The following TCFL5 variants were observed in gnomAD, a reference collection of about 807,000 sequenced individuals.
TCFL5 encodes the protein transcription factor like 5, also known as transcription factor-like 5 protein.
Under a neutral mutation model 44.3 loss-of-function variants are expected in TCFL5, and 9 were observed. The ratio of observed to expected loss-of-function variants is 0.20; its 90% CI spans 0.12 to 0.35. The LOEUF is 0.35. Among genes scored for constraint, TCFL5 ranks in the 10% least tolerant of loss-of-function variants. TCFL5 has a pLI of 1.00. For missense variants in TCFL5, 603 were observed against 613.4 expected (o/e 0.98, Z 0.18); for synonymous variants, 319 against 271.6 (o/e 1.17, Z -1.72).
In TCFL5 at chr20:62,854,172, C is replaced by T. The variant is rs2063853309; in HGVS notation, c.1239-15G>A. 1 of 1,613,342 alleles carries T rather than the reference C, an allele frequency of 6.2e-7. No homozygotes were observed. Among genetic ancestry groups the T allele is most frequent in the African/African-American group, 1.3e-5 (1 of 74,848 alleles). ...GGATTCTGCGCCTATAGTCAAAACC[C>T]AAAGTCATCACCGAGAGAGACCGGA... On this transcript the variant is annotated splice_polypyrimidine_tract_variant and intron_variant, in intron 4 of 5. Transcript: ENST00000335351.
rs765377904 is a variant in TCFL5, at chr20:62,860,174, G to C, written c.782C>G (p.Thr261Ser). The C allele has an allele frequency of 6.8e-6, 11 of 1,613,588 alleles. No individual in the cohort carries two copies. Among genetic ancestry groups the C allele is most frequent in the South Asian group, 3.3e-5 (3 of 91,076 alleles). ...TALQFTYPLF[T>S]TNACSTSGNS... ...TCCACTAGTAGAGCAAGCATTTGTA[G>C]TAAACAGTGGGTATGTAAATTGCAA... The change falls in exon 2 of 6, where the codon ACT becomes AGT. Residue 261 changes from threonine to serine, a missense_variant. By Grantham distance (58) the Thr-to-Ser change is moderately conservative. This residue lies in a region of TCFL5 where 540 missense variants were observed against 478.7 expected (regional missense o/e 1.13). Coordinates refer to ENST00000335351, the MANE Select transcript of TCFL5 (RefSeq NM_006602.4).
Position 62,857,397 on chromosome 20 carries a change from T to C in TCFL5, c.1236A>G (p.Arg412=), listed in dbSNP as rs1018343445. ...RERHNRMERD[R]RRRIRICCDE... ...TGACAAGCAGTCACACGTATTACCTTCTATCTCTTTCCATTCGGTTATGCC... is the reference window on the plus strand; with the variant it reads ...TGACAAGCAGTCACACGTATTACCTCCTATCTCTTTCCATTCGGTTATGCC... Residue 412 remains arginine (R), a splice_region_variant and synonymous_variant, in exon 4 of 6, where the codon AGA becomes AGG. Transcript: ENST00000335351. 2 of 1,614,134 alleles carry C rather than the reference T, an allele frequency of 1.2e-6. No homozygotes were observed. Among genetic ancestry groups the C allele is most frequent in the Middle Eastern group, 3.3e-4 (2 of 6,062 alleles).
intron 5 of TCFL5, among the ~76,000 whole-genome samples, chr20:62,847,808 G>A (rs2063762656): frequency 6.6e-6 from 1 of 152,174 alleles, no homozygotes; most frequent in South Asian, 2.1e-4. Context: ...TCAGGAGTTC[G>A]AGACCAGCCT....
Position 62,861,380 on chromosome 20 carries a change from G to A in TCFL5, c.291C>T (p.Gly97=). ...ACACGGGCGCCGCGCCCCCCTGACC[G>A]CCCGCCGCGAAGCCGCCCGCGCCTG... is the stretch of plus-strand genomic sequence containing the variant. ...PGAGAGGFAA[G]GQGGAAPVYP... The change falls in exon 1 of 6, where the codon GGC becomes GGT. Residue 97 remains glycine, a synonymous_variant. Coordinates refer to ENST00000335351, the MANE Select transcript of TCFL5 (RefSeq NM_006602.4). The surrounding 1 kb of genome is among the most constrained non-coding windows in gnomAD (Gnocchi z 4.0). 1 of 1,072,834 alleles carries A rather than the reference G, an allele frequency of 9.3e-7. No individual in the cohort carries two copies. Among genetic ancestry groups the A allele is most frequent in the Non-Finnish European group, 1.1e-6 (1 of 890,484 alleles). The allele number at this position is 1,072,834 out of a possible 1,614,324, so 66.5% of individuals were successfully genotyped here. A position where few individuals can be genotyped will look rare whatever the true frequency, so the allele number is the denominator to read the frequency against.
chr20:62,856,590 C>T (rs1342808393), intron 4 of TCFL5, among the ~76,000 whole-genome samples: 1 of 151,558 alleles, frequency 6.6e-6, no homozygotes, highest in Non-Finnish European at 1.5e-5. Flanking sequence ...CCTGTAGTCC[C>T]AGCTACTCAG....
Position 62,857,440 on chromosome 20 carries a change from C to T in TCFL5, c.1193G>A (p.Arg398Lys), listed in dbSNP as rs778877570. The change falls in exon 4 of 6, where the codon AGG becomes AAG. Residue 398 changes from arginine to lysine, a missense_variant. Transcript: ENST00000335351. ...GTTATGCCTCTCCCTACGTTGAGAC[C>T]TTCCTCCCTGGGGCCCACTCTGGGC... ...EQAQSGPQGG[R>K]SQRRERHNRM... 1 of 1,614,216 alleles carries T rather than the reference C, an allele frequency of 6.2e-7. No individual in the cohort carries two copies. Among genetic ancestry groups the T allele is most frequent in the Non-Finnish European group, 8.5e-7 (1 of 1,180,042 alleles).
intron 5 of TCFL5, chr20:62,844,729 G>A (rs576433250): frequency 4.2e-5 from 11 of 258,948 alleles, no homozygotes; most frequent in South Asian, 1.5e-4. Context: ...CTGAATAGCT[G>A]GGATTACAGG....
In TCFL5 at chr20:62,857,652, GAA is replaced by G. The variant is rs772608346; in HGVS notation, c.995-16_995-15del. The G allele has an allele frequency of 3.1e-6, 5 of 1,600,856 alleles. No individual in the cohort carries two copies. The highest frequency in any genetic ancestry group is 4.3e-6 in the Non-Finnish European group (5 of 1,173,840). On this transcript the variant is annotated splice_polypyrimidine_tract_variant and intron_variant, in intron 3 of 5. Coordinates refer to ENST00000335351, the MANE Select transcript of TCFL5 (RefSeq NM_006602.4). ...ATAGCGCTGCTTCTTTGCGAAAGAA[GAA>G]AAAAGTGGTTTTTAATTTTGTATTC... is the stretch of plus-strand genomic sequence containing the variant.
At chr20:62,854,768 A>G (rs2063862173) in intron 4 of TCFL5, among the ~76,000 whole-genome samples, 1 of 152,214 alleles carries the variant, frequency 6.6e-6, no homozygotes. Context: ...AGTAACATGC[A>G]AAGTCCTAAA....
At chr20:62,852,138 T>C (rs186234735) in intron 5 of TCFL5, 35 of 985,452 alleles carry the variant, frequency 3.6e-5, no homozygotes, top group Non-Finnish European at 3.0e-5. Flanking sequence ...CCTTGTTTGT[T>C]GCAGCAACCT....
Position 62,842,214 on chromosome 20 carries a change from T to A in TCFL5, c.1381-117A>T. 7.6e-7 allele frequency: 1 copy of A among 1,319,214 alleles called. No homozygotes were observed. The highest frequency in any genetic ancestry group is 1.0e-6 in the Non-Finnish European group (1 of 963,864). The allele number at this position is 1,319,214 out of a possible 1,614,324, so 81.7% of individuals were successfully genotyped here. On this transcript the variant is annotated intron_variant, in intron 5 of 5. Coordinates refer to ENST00000335351, the MANE Select transcript of TCFL5 (RefSeq NM_006602.4). The surrounding 1 kb of genome is among the most constrained non-coding windows in gnomAD (Gnocchi z 4.3). ...GTAAATGACTTTAGAATACGCTGTTTTAAGGTGTCATTCACAAACTTGTGT... is the reference window on the plus strand; with the variant it reads ...GTAAATGACTTTAGAATACGCTGTTATAAGGTGTCATTCACAAACTTGTGT...
At chr20:62,860,928 G>A (rs1339922601) in intron 1 of TCFL5, 96 bp downstream of exon 1, 13 of 918,614 alleles carry the variant, frequency 1.4e-5, no homozygotes, top group Non-Finnish European at 1.7e-5. Flanking sequence ...GGCTGGGGGC[G>A]TGCACAGCGA....
At position 62,842,011 on chromosome 20, in the gene TCFL5, C is replaced by A; in HGVS notation, c.1467G>T (p.Gly489=). The change falls in exon 6 of 6, where the codon GGG becomes GGT. Residue 489 remains glycine, a synonymous_variant. Transcript: ENST00000335351. The surrounding 1 kb of genome is among the most constrained non-coding windows in gnomAD (Gnocchi z 4.3). The part of the protein sequence containing the change: ...PDSLVTCPAQ[G]SLQSSPSMEI... ...CCATCGAGGGGCTGCTCTGTAAACT[C>A]CCCTGTGCAGGACAGGTCACCAAGG... is the stretch of plus-strand genomic sequence containing the variant. 1 of 1,614,210 alleles carries A rather than the reference C, an allele frequency of 6.2e-7. No homozygotes were observed.
chr20:62,859,290 C>G lies in TCFL5; in HGVS notation c.994+74G>C, dbSNP rs1039319228. ...ACAAACCATCTGTCTCCCCTGCCCC[C>G]CAAGGCCAAAATGCCATCAGCCACA... On this transcript the variant is annotated intron_variant, in intron 3 of 5. Coordinates refer to ENST00000335351, the MANE Select transcript of TCFL5 (RefSeq NM_006602.4). 7.9e-6 allele frequency: 12 copies of G among 1,516,606 alleles called. No homozygotes were observed. In the Admixed American group the frequency reaches 1.2e-4, roughly 15 times the overall value. The allele number at this position is 1,516,606 out of a possible 1,614,324, so 93.9% of individuals were successfully genotyped here. A position where few individuals can be genotyped will look rare whatever the true frequency, so the allele number is the denominator to read the frequency against.
intron 5 of TCFL5, among the ~76,000 whole-genome samples, chr20:62,850,017 A>C (rs1018821560): frequency 6.6e-6 from 1 of 152,176 alleles, no homozygotes; most frequent in Non-Finnish European, 1.5e-5. Flanking sequence ...AGTGGCAATA[A>C]AAGAACATTT....
At chr20:62,858,914 TC>T (rs1272191211) in intron 3 of TCFL5, among the ~76,000 whole-genome samples, 20 of 151,996 alleles carry the variant, frequency 1.3e-4, no homozygotes, top group African/African-American at 4.1e-4. Flanking sequence ...TGACTTTATT[TC>T]CAAACTTTCC....
At chr20:62,851,612 T>C (rs768541975) in intron 5 of TCFL5, 27 of 985,150 alleles carry the variant, frequency 2.7e-5, no homozygotes, top group Non-Finnish European at 3.3e-5. Context: ...ACATTCAACA[T>C]AGCATCGCTA....
In TCFL5 at chr20:62,841,227, C is replaced by T. The variant is rs2063676992; in HGVS notation, c.*748G>A. On this transcript the variant is annotated 3_prime_UTR_variant, in exon 6 of 6. Transcript: ENST00000335351. The stretch of plus-strand genomic sequence containing the variant: ...AATTAACAGTATTTATTGAGGGTGA[C>T]TTTGTATTGCACTAACGTCTATTGC... The T allele has an allele frequency of 6.1e-6, 1 of 164,744 alleles. No homozygotes were observed. The allele number at this position is 164,744 out of a possible 1,614,324, so 10.2% of individuals were successfully genotyped here.
Sources: allele counts gnomAD v4.1 joint callset (sites outside exome capture counted in the v4.1 genomes callset), GRCh38; gene constraint gnomAD v4.1.1; regional missense constraint gnomAD v4.1.1; non-coding constraint Gnocchi (gnomAD v3.1); transcripts MANE v1.5; gene names NCBI Gene and HGNC (gene_info 2026-07-23, HGNC 2026-07-21).